CHRNA7: variants seen among roughly 807,000 people sequenced by gnomAD.
CHRNA7 encodes the protein neuronal acetylcholine receptor subunit alpha-7.
A neutral mutation model predicts 48.0 loss-of-function variants in CHRNA7; 17 were observed. That is an observed-to-expected ratio of 0.35 (90% confidence interval 0.24 to 0.53). The LOEUF (loss-of-function observed/expected upper bound fraction) is 0.53, where lower values mean the gene tolerates loss of function less well. Among genes scored for constraint, CHRNA7 ranks in the 20% least tolerant of loss-of-function variants. The pLI, the probability that CHRNA7 is intolerant of heterozygous loss-of-function variation, is 0.92. For missense variants in CHRNA7, 155 were observed against 577.7 expected (o/e 0.27, Z 7.50); for synonymous variants, 75 against 242.3 (o/e 0.31, Z 6.41).
intron 4 of CHRNA7, among the ~76,000 whole-genome samples, chr15:32,117,724 T>A (rs779752520): frequency 4.1e-4 from 63 of 151,966 alleles, no homozygotes; most frequent in Non-Finnish European, 2.9e-4. Context: ...TATTATGGAG[T>A]CATGGCAGTG....
intron 2 of CHRNA7, among the ~76,000 whole-genome samples, chr15:32,050,934 A>G (rs1484633791): frequency 6.6e-6 from 1 of 152,180 alleles, no homozygotes; most frequent in Admixed American, 6.5e-5. Context: ...TTGCCTGGGT[A>G]TCAGCAGCGG....
chr15:32,118,060 C>T (rs1413478598), intron 4 of CHRNA7, among the ~76,000 whole-genome samples: 1 of 152,184 alleles, frequency 6.6e-6, no homozygotes, highest in Non-Finnish European at 1.5e-5. Flanking sequence ...GCTCTGCCCT[C>T]ATGAATGCTT....
chr15:32,127,620 G>A (rs1202617165), intron 4 of CHRNA7, among the ~76,000 whole-genome samples: 1 of 152,086 alleles, frequency 6.6e-6, no homozygotes, highest in African/African-American at 2.4e-5. Flanking sequence ...ATATGTTCAT[G>A]TCTGTTTGCC....
chr15:32,124,613 GCAAA>G (rs1225716887), intron 4 of CHRNA7, among the ~76,000 whole-genome samples: 2 of 152,116 alleles, frequency 1.3e-5, no homozygotes, highest in African/African-American at 2.4e-5. Flanking sequence ...AAGAAAACTG[GCAAA>G]CAAAGCTGAC....
At chr15:32,108,149 T>G (rs967935360) in intron 3 of CHRNA7, among the ~76,000 whole-genome samples, 57 of 152,180 alleles carry the variant, frequency 3.7e-4, no homozygotes, top group African/African-American at 1.3e-3. Flanking sequence ...ATTTAGAGTT[T>G]CCTGTGGGCT....
intron 2 of CHRNA7, among the ~76,000 whole-genome samples, chr15:32,074,325 T>G (rs1263741007): frequency 2.7e-5 from 4 of 146,846 alleles, no homozygotes; most frequent in Non-Finnish European, 4.5e-5. Flanking sequence ...TTGAACTTAC[T>G]GCACTGGCTA....
intron 2 of CHRNA7, among the ~76,000 whole-genome samples, chr15:32,066,818 C>A (rs2049974658): frequency 6.6e-6 from 1 of 151,922 alleles, no homozygotes; most frequent in African/African-American, 2.4e-5. Flanking sequence ...AATATCTCAC[C>A]AAATAAATAA....
chr15:32,086,977 C>T lies in CHRNA7; in HGVS notation c.196-14326C>T, dbSNP rs74011112. Reference sequence around the variant, plus strand: ...TCGACTGCAAAGTTACTCTTTTTCCCCTATTTATATACTGTACTCTTTGGA... The same window carrying T: ...TCGACTGCAAAGTTACTCTTTTTCCTCTATTTATATACTGTACTCTTTGGA... On this transcript the variant is annotated intron_variant, in intron 2 of 9. Coordinates refer to ENST00000306901, the MANE Select transcript of CHRNA7 (RefSeq NM_000746.6). Among the ~76,000 whole-genome samples the T allele has an allele frequency of 4.0e-3, 605 of 152,136 alleles. 5 individuals are homozygous for T. Among genetic ancestry groups the T allele is most frequent in the African/African-American group, 0.013 (555 of 41,478 alleles).
At chr15:32,092,014 T>C (rs1265518699) in intron 2 of CHRNA7, among the ~76,000 whole-genome samples, 4 of 152,216 alleles carry the variant, frequency 2.6e-5, no homozygotes, top group African/African-American at 4.8e-5. Context: ...CATACTTAAC[T>C]AGTTTCTCTG....
intron 4 of CHRNA7, among the ~76,000 whole-genome samples, chr15:32,145,619 C>G (rs2051471202): frequency 6.6e-6 from 1 of 152,200 alleles, no homozygotes; most frequent in Non-Finnish European, 1.5e-5. Flanking sequence ...ACTCAAGCCT[C>G]AGCAGTGGCG....
intron 2 of CHRNA7, among the ~76,000 whole-genome samples, chr15:32,087,548 A>G (rs917763096): frequency 6.6e-6 from 1 of 152,212 alleles, no homozygotes; most frequent in Non-Finnish European, 1.5e-5. Flanking sequence ...ATATGTGTAT[A>G]TAGTAGTTCA....
chr15:32,038,258 C>G (rs8035663), intron 2 of CHRNA7, among the ~76,000 whole-genome samples: 133,326 of 149,714 alleles, frequency 0.89, 59,830 homozygotes, highest in South Asian at 0.95. Context: ...TACAAAAAAC[C>G]TACAGCTAAC....
At chr15:32,131,869 T>C (rs1248390536) in intron 4 of CHRNA7, among the ~76,000 whole-genome samples, 1 of 152,132 alleles carries the variant, frequency 6.6e-6, no homozygotes, top group Non-Finnish European at 1.5e-5. Flanking sequence ...CCTGCTGTCG[T>C]GTGGTTCAGG....
At chr15:32,069,559 A>T (rs961698282) in intron 2 of CHRNA7, among the ~76,000 whole-genome samples, 1 of 152,194 alleles carries the variant, frequency 6.6e-6, no homozygotes, top group Non-Finnish European at 1.5e-5. Context: ...AGGCAGGAGG[A>T]TCACTTGAGC....
At chr15:32,078,364 G>A (rs538940364) in intron 2 of CHRNA7, among the ~76,000 whole-genome samples, 1 of 152,022 alleles carries the variant, frequency 6.6e-6, no homozygotes, top group Non-Finnish European at 1.5e-5. Flanking sequence ...TTACATTTAG[G>A]TCTGTGATCC....
chr15:32,036,394 A>G lies in CHRNA7; in HGVS notation c.195+5357A>G, dbSNP rs371081471. Among the ~76,000 whole-genome samples the G allele has an allele frequency of 8.5e-5, 13 of 152,362 alleles. No individual in the cohort carries two copies. The East Asian group carries it at 1.7e-3, about 20-fold the overall frequency. The stretch of plus-strand genomic sequence containing the variant: ...AATTATGAGTAAAGCTGCTGTAAGC[A>G]TCTTGTGCAGATTTTTACGTGAACA... On this transcript the variant is annotated intron_variant, in intron 2 of 9. Coordinates refer to ENST00000306901, the MANE Select transcript of CHRNA7 (RefSeq NM_000746.6).
intron 2 of CHRNA7, among the ~76,000 whole-genome samples, chr15:32,045,332 G>C (rs74585912): frequency 0.013 from 1,952 of 152,196 alleles, 40 homozygotes; most frequent in African/African-American, 0.045. Context: ...AGAGAACGGA[G>C]AACACTTTTA....
chr15:32,049,104 G>GA (rs1440930582), intron 2 of CHRNA7, among the ~76,000 whole-genome samples: 3 of 150,968 alleles, frequency 2.0e-5, no homozygotes, highest in East Asian at 2.0e-4. Flanking sequence ...GTGTGGTGCT[G>GA]AAAAAAATGT....
chr15:32,148,345 G>C (rs1252872848), intron 4 of CHRNA7, among the ~76,000 whole-genome samples: 1 of 152,122 alleles, frequency 6.6e-6, no homozygotes, highest in Non-Finnish European at 1.5e-5. Flanking sequence ...TAAGAGCCGG[G>C]CTTCTGGGTC....
Sources: gnomAD v4.1 joint callset for allele counts (sites outside exome capture counted in the v4.1 genomes callset) on GRCh38, gnomAD v4.1.1 for gene constraint, MANE v1.5 for transcripts, NCBI Gene and HGNC (gene_info 2026-07-23, HGNC 2026-07-21) for gene names.